The following RBFOX1 variants were observed in gnomAD, a reference collection of about 807,000 sequenced individuals.
RBFOX1 encodes the protein RNA binding protein fox-1 homolog 1.
A neutral mutation model predicts 57.7 loss-of-function variants in RBFOX1; 8 were observed. The ratio of observed to expected loss-of-function variants is 0.14; its 90% CI spans 0.08 to 0.25. The LOEUF is 0.25. Among genes scored for constraint, RBFOX1 ranks in the 10% least tolerant of loss-of-function variants. RBFOX1 has a pLI of 1.00. For missense variants in RBFOX1, 611 were observed against 548.5 expected (o/e 1.11, Z -1.14); for synonymous variants, 326 against 222.4 (o/e 1.47, Z -4.15).
chr16:5,398,543 C>G (rs1051953838), intron 1 of RBFOX1, among the ~76,000 whole-genome samples: 1 of 151,570 alleles, frequency 6.6e-6, no homozygotes, highest in Non-Finnish European at 1.5e-5. Context: ...TGTTTACATG[C>G]ACGAGTTCGT....
intron 1 of RBFOX1, among the ~76,000 whole-genome samples, chr16:5,296,359 T>A (rs2063667975): frequency 6.6e-6 from 1 of 152,166 alleles, no homozygotes; most frequent in Non-Finnish European, 1.5e-5. Context: ...TCCCACACTG[T>A]CATGTAAGTC....
chr16:6,849,816 C>G (rs1455931497), intron 3 of RBFOX1, among the ~76,000 whole-genome samples: 1 of 152,162 alleles, frequency 6.6e-6, no homozygotes, highest in Non-Finnish European at 1.5e-5. Flanking sequence ...ACTGAAAATC[C>G]TCTCTCCCTC....
chr16:5,887,926 G>C (rs992909673), intron 4 of RBFOX1, among the ~76,000 whole-genome samples: 7 of 152,126 alleles, frequency 4.6e-5, no homozygotes, highest in African/African-American at 1.7e-4. Flanking sequence ...CCACTATTCT[G>C]AACAACAGGG....
At chr16:7,642,453 C>T (rs988393724) in intron 11 of RBFOX1, among the ~76,000 whole-genome samples, 5 of 152,242 alleles carry the variant, frequency 3.3e-5, no homozygotes, top group Middle Eastern at 6.8e-3. Context: ...TGTGAGCCAC[C>T]GTCAGACCCC....
intron 5 of RBFOX1, among the ~76,000 whole-genome samples, chr16:7,545,456 C>T (rs956811480): frequency 2.0e-5 from 3 of 152,120 alleles, no homozygotes; most frequent in African/African-American, 7.2e-5. Context: ...TTCTAGGAGA[C>T]ATCAAAACCC....
At chr16:6,825,981 A>G (rs184769058) in intron 3 of RBFOX1, among the ~76,000 whole-genome samples, 1 of 152,292 alleles carries the variant, frequency 6.6e-6, no homozygotes, top group Non-Finnish European at 1.5e-5. Flanking sequence ...CATGTCTGCA[A>G]AAATGTTGAA....
chr16:6,602,602 G>A (rs1433283442), intron 2 of RBFOX1, among the ~76,000 whole-genome samples: 1 of 152,122 alleles, frequency 6.6e-6, no homozygotes, highest in East Asian at 1.9e-4. Flanking sequence ...GGACTCCTGG[G>A]AAAGCCTTCT....
intron 2 of RBFOX1, among the ~76,000 whole-genome samples, chr16:6,644,961 G>T (rs1346592906): frequency 2.0e-5 from 3 of 152,086 alleles, no homozygotes; most frequent in African/African-American, 7.2e-5. Context: ...TCACAATCTA[G>T]GTGCTTAAAA....
intron 3 of RBFOX1, among the ~76,000 whole-genome samples, chr16:5,763,557 C>T (rs908766745): frequency 2.0e-5 from 3 of 152,220 alleles, no homozygotes; most frequent in African/African-American, 4.8e-5. Flanking sequence ...TAAATTGCTG[C>T]GATAGAACAT....
intron 5 of RBFOX1, among the ~76,000 whole-genome samples, chr16:7,535,477 G>T (rs1270483659): frequency 6.6e-6 from 1 of 152,186 alleles, no homozygotes; most frequent in Non-Finnish European, 1.5e-5. Context: ...AAATAAACTG[G>T]GCTAGATGGT....
At chr16:7,067,027 G>A (rs1359780894) in intron 4 of RBFOX1, among the ~76,000 whole-genome samples, 2 of 152,112 alleles carry the variant, frequency 1.3e-5, no homozygotes, top group Non-Finnish European at 2.9e-5. Context: ...TGCACACAGA[G>A]CATCTACTGT....
intron 4 of RBFOX1, among the ~76,000 whole-genome samples, chr16:7,329,880 T>A (rs546611142): frequency 6.6e-6 from 1 of 152,306 alleles, no homozygotes; most frequent in East Asian, 1.9e-4. Context: ...ATATCTCTTA[T>A]TTCTATCCTA....
At chr16:5,776,182 G>A (rs1253911924) in intron 3 of RBFOX1, among the ~76,000 whole-genome samples, 2 of 152,244 alleles carry the variant, frequency 1.3e-5, no homozygotes, top group Non-Finnish European at 2.9e-5. Context: ...ACTGTGTGAA[G>A]GCTGTTTGGG....
At position 6,873,019 on chromosome 16, in the gene RBFOX1, C is replaced by T. The variant is rs79589446; in HGVS notation, c.-15-179038C>T. 5.2e-3 allele frequency among the ~76,000 whole-genome samples: 791 copies of T among 152,072 alleles called. 9 individuals carry two copies. Among genetic ancestry groups the T allele is most frequent in the African/African-American group, 0.018 (757 of 41,478 alleles). On this transcript the variant is annotated intron_variant, in intron 3 of 15. Coordinates refer to ENST00000550418, the MANE Select transcript of RBFOX1 (RefSeq NM_018723.4). ...GATCTTATAAAGATAATTAGATATA[C>T]TGCAGTGTGTTCTATATTCTCAGCA...
intron 3 of RBFOX1, among the ~76,000 whole-genome samples, chr16:5,644,063 A>G (rs2048969114): frequency 6.6e-6 from 1 of 152,164 alleles, no homozygotes; most frequent in Admixed American, 6.5e-5. Context: ...GAAGCTAGTA[A>G]TTTTCATGAT....
At chr16:7,041,475 G>C (rs115149423) in intron 3 of RBFOX1, among the ~76,000 whole-genome samples, 1 of 152,052 alleles carries the variant, frequency 6.6e-6, no homozygotes, top group South Asian at 2.1e-4. Context: ...ATTCTTCTCA[G>C]TTCTGGGTCT....
intron 2 of RBFOX1, among the ~76,000 whole-genome samples, chr16:6,458,270 T>A (rs139847599): frequency 6.3e-5 from 5 of 79,550 alleles, no homozygotes; most frequent in African/African-American, 1.7e-4. Context: ...AGAGGGAGCA[T>A]GCCTGCTGGT....
intron 1 of RBFOX1, among the ~76,000 whole-genome samples, chr16:5,415,167 C>G (rs1258743050): frequency 1.3e-5 from 2 of 152,120 alleles, no homozygotes; most frequent in Non-Finnish European, 2.9e-5. Context: ...ATTTTATAAG[C>G]AAAAGAGGTT....
At chr16:7,162,088 A>C (rs1170719528) in intron 4 of RBFOX1, among the ~76,000 whole-genome samples, 1 of 152,158 alleles carries the variant, frequency 6.6e-6, no homozygotes, top group Non-Finnish European at 1.5e-5. Flanking sequence ...CTCACAAGGG[A>C]GTTGGTGTCT....
Sources: allele counts gnomAD v4.1 joint callset (sites outside exome capture counted in the v4.1 genomes callset), GRCh38; gene constraint gnomAD v4.1.1; transcripts MANE v1.5; gene names NCBI Gene and HGNC (gene_info 2026-07-23, HGNC 2026-07-21).